The following FAM90A20 variants were observed in gnomAD, a reference collection of about 807,000 sequenced individuals.
FAM90A20 encodes the protein protein FAM90A20.
the FAM90A20 span, chr8:7,297,584 A>T: frequency 2.0e-6 from 3 of 1,502,836 alleles, no homozygotes; most frequent in East Asian, 2.3e-5. Context: ...CCCCGAAAGC[A>T]CCATCCAGGG....
the FAM90A20 span, chr8:7,297,427 C>T: frequency 1.5e-5 from 23 of 1,555,460 alleles, 1 homozygote; most frequent in Middle Eastern, 2.3e-4. Flanking sequence ...CTGCGGTGAC[C>T]TCACAGCCCT....
chr8:7,297,711 G>C, the FAM90A20 span: 10 of 1,468,512 alleles, frequency 6.8e-6, 1 homozygote, highest in South Asian at 2.3e-5. Flanking sequence ...AGCGTTGAAC[G>C]GCAGCCTCCG....
the FAM90A20 span, chr8:7,295,863 G>A: frequency 2.9e-6 from 2 of 682,860 alleles, no homozygotes; most frequent in South Asian, 3.0e-5. Context: ...ACCACTCTTA[G>A]GGTACTGCCT....
chr8:7,296,433 T>G, the FAM90A20 span: 1 of 721,542 alleles, frequency 1.4e-6, no homozygotes, highest in Non-Finnish European at 2.5e-6. Flanking sequence ...CCTTTTATCC[T>G]CTAGGTAACC....
the FAM90A20 span, chr8:7,297,530 T>C: frequency 7.3e-6 from 11 of 1,514,652 alleles, no homozygotes; most frequent in South Asian, 1.1e-5. Flanking sequence ...GATTCAGGCT[T>C]GCCTGAACTT....
the FAM90A20 span, chr8:7,295,677 C>T: frequency 2.8e-6 from 2 of 723,100 alleles, no homozygotes; most frequent in Non-Finnish European, 4.8e-6. Flanking sequence ...GCCAGAAGTA[C>T]CAGGTGCCCC....
At chr8:7,297,291 A>T in the FAM90A20 span, 70 of 1,352,846 alleles carry the variant, frequency 5.2e-5, 6 homozygotes, top group South Asian at 7.2e-4. Context: ...CAGGTCCACG[A>T]GACTCTCCTC....
chr8:7,297,736 C>G, the FAM90A20 span: 17 of 1,492,178 alleles, frequency 1.1e-5, no homozygotes, highest in Admixed American at 3.4e-5. Context: ...GCAGACCTTG[C>G]CTGCCTACTG....
the FAM90A20 span, chr8:7,295,485 T>C: frequency 2.0e-6 from 1 of 507,050 alleles, no homozygotes; most frequent in East Asian, 3.4e-5. Context: ...ATCCGAACTC[T>C]CCCAGCACTT....
At chr8:7,295,476 T>C in the FAM90A20 span, among the ~76,000 whole-genome samples, 74 of 115,352 alleles carry the variant, frequency 6.4e-4, 3 homozygotes, top group Non-Finnish European at 8.7e-4. Flanking sequence ...GAACATCGTA[T>C]CCGAACTCTC....
At chr8:7,296,240 C>T in the FAM90A20 span, 2 of 681,818 alleles carry the variant, frequency 2.9e-6, no homozygotes, top group Non-Finnish European at 5.3e-6. Flanking sequence ...TTCTCCCTGT[C>T]TCCTGGGGAA....
At chr8:7,297,046 G>T in the FAM90A20 span, 10 of 1,482,694 alleles carry the variant, frequency 6.7e-6, no homozygotes, top group South Asian at 2.4e-5. Context: ...AACCTGTGTT[G>T]TTTCCTCTCT....
chr8:7,295,768 T>C, the FAM90A20 span: 910 of 1,307,504 alleles, frequency 7.0e-4, 167 homozygotes, highest in African/African-American at 0.011. Flanking sequence ...CATGGAAGCC[T>C]GGGGTTGAAG....
At chr8:7,297,018 C>A in the FAM90A20 span, 9 of 1,437,868 alleles carry the variant, frequency 6.3e-6, 1 homozygote, top group South Asian at 1.2e-5. Context: ...CATGTTGGCT[C>A]CATGCTGAGG....
chr8:7,297,488 G>C, the FAM90A20 span: 6 of 1,534,334 alleles, frequency 3.9e-6, no homozygotes, highest in East Asian at 2.2e-5. Flanking sequence ...TCTCAGCTTT[G>C]GGTCAGGAGC....
the FAM90A20 span, among the ~76,000 whole-genome samples, chr8:7,296,867 G>T: frequency 7.3e-6 from 1 of 136,822 alleles, no homozygotes; most frequent in South Asian, 2.2e-4. Flanking sequence ...GCTACACATA[G>T]CTCGATAGCG....
the FAM90A20 span, chr8:7,297,245 GC>G: frequency 6.8e-7 from 1 of 1,480,536 alleles, no homozygotes; most frequent in Non-Finnish European, 9.2e-7. Flanking sequence ...ACAGACAGGG[GC>G]TGCCGCCGAC....
the FAM90A20 span, among the ~76,000 whole-genome samples, chr8:7,296,881 C>G: frequency 7.3e-6 from 1 of 136,866 alleles, no homozygotes; most frequent in South Asian, 2.2e-4. Context: ...GATAGCGCAT[C>G]GTTCATGTGT....
chr8:7,297,712 G>A, the FAM90A20 span: 42 of 1,469,238 alleles, frequency 2.9e-5, 4 homozygotes, highest in Non-Finnish European at 3.5e-5. Flanking sequence ...GCGTTGAACG[G>A]CAGCCTCCGC....
Sources: allele counts gnomAD v4.1 joint callset (sites outside exome capture counted in the v4.1 genomes callset), GRCh38; gene constraint gnomAD v4.1.1; transcripts MANE v1.5; gene names NCBI Gene and HGNC (gene_info 2026-07-23, HGNC 2026-07-21).